The following PDCD11 variants were observed in gnomAD, a reference collection of about 807,000 sequenced individuals.
PDCD11 encodes the protein programmed cell death 11.
In PDCD11, 97 loss-of-function variants were observed where a neutral mutation model predicts 198.9. That is an observed-to-expected ratio of 0.49 (90% CI 0.41 to 0.58). The LOEUF (loss-of-function observed/expected upper bound fraction) is 0.58, where lower values mean the gene tolerates loss of function less well. Among genes scored for constraint, PDCD11 ranks in the 20% least tolerant of loss-of-function variants. PDCD11 has a pLI of 0.00. For synonymous variants in PDCD11, 893 were observed against 918.0 expected (o/e 0.97, Z 0.49); for missense variants, 2,102 against 2,312.7 (o/e 0.91, Z 1.87).
chr10:103,412,649 G>A (rs527248010), intron 8 of PDCD11, among the ~76,000 whole-genome samples: 1 of 152,114 alleles, frequency 6.6e-6, no homozygotes, highest in Non-Finnish European at 1.5e-5. Context: ...ATTAAAACTA[G>A]AGATGAGGTT....
chr10:103,416,645 T>C lies in PDCD11; in HGVS notation c.1673T>C (p.Ile558Thr). 1 of 1,614,218 alleles carries C rather than the reference T, an allele frequency of 6.2e-7. No homozygotes were observed. The highest frequency in any genetic ancestry group is 8.5e-7 in the Non-Finnish European group (1 of 1,180,040). ...FIIRVKDYGC[I>T]VKFYNNVQGL... The stretch of plus-strand genomic sequence containing the variant: ...ATCAGGGTCAAGGACTATGGCTGCA[T>C]TGTGAAGTTCTACAACAATGTGCAG... Residue 558 changes from isoleucine to threonine, a missense_variant, in exon 13 of 36, where the codon ATT (isoleucine) becomes ACT (threonine). Physicochemically the swap from Ile to Thr is moderately conservative, Grantham distance 89. Coordinates refer to ENST00000369797, the MANE Select transcript of PDCD11 (RefSeq NM_014976.2).
intron 5 of PDCD11, 30 bp downstream of exon 5, chr10:103,405,213 G>T (rs779869328): frequency 3.0e-5 from 48 of 1,609,082 alleles, no homozygotes; most frequent in Non-Finnish European, 3.9e-5. Context: ...GAGGAAGAGT[G>T]GCAATGTGCC....
chr10:103,443,065 T>TA, intron 32 of PDCD11, 100 bp from the exon 33 acceptor site: 1 of 1,051,516 alleles, frequency 9.5e-7, no homozygotes, highest in Non-Finnish European at 1.4e-6. Context: ...AGGACACAGA[T>TA]AGAGGCTGGG....
At chr10:103,409,248 C>G (rs1374517852) in intron 7 of PDCD11, among the ~76,000 whole-genome samples, 1 of 151,998 alleles carries the variant, frequency 6.6e-6, no homozygotes, top group East Asian at 1.9e-4. Flanking sequence ...TTACTTTTCG[C>G]TTTTTGGTGA....
At position 103,423,008 on chromosome 10, in the gene PDCD11, C is replaced by G. The variant is rs543936585; in HGVS notation, c.2518C>G (p.Leu840Val). 26 of 1,574,658 alleles carry G rather than the reference C, an allele frequency of 1.7e-5. No homozygotes were observed. The African/African-American group carries it at 2.7e-4, about 17-fold the overall frequency. Residue 840 changes from leucine to valine, a missense_variant, in exon 18 of 36, where the codon CTG becomes GTG. Leu to Val is a conservative substitution (Grantham distance 32). Transcript: ENST00000369797. ...SNRDSVLIQT[L>V]AEMTPGMFLD... is the part of the protein sequence containing the mutation. The stretch of plus-strand genomic sequence containing the variant: ...GGCAGACTCTGTGTTGATCCAGACG[C>G]TGGCCGAGATGACCCCAGGAATGTT...
chr10:103,410,247 A>G lies in PDCD11; in HGVS notation c.978+441A>G, dbSNP rs899861620. On this transcript the variant is annotated intron_variant, in intron 8 of 35. Transcript: ENST00000369797. ...GAGACTCCATCTCAAAAAAAAAAAAAAAAGTGTTATGGAAGGAAAGTAAGA... is the reference window on the plus strand; with the variant it reads ...GAGACTCCATCTCAAAAAAAAAAAAGAAAGTGTTATGGAAGGAAAGTAAGA... Among the ~76,000 whole-genome samples the G allele has an allele frequency of 7.9e-5, 12 of 152,226 alleles. No individual in the cohort carries two copies. In the South Asian group the frequency reaches 8.3e-4, roughly 11 times the overall value.
At chr10:103,426,819 T>G in intron 20 of PDCD11, among the ~76,000 whole-genome samples, 1 of 149,234 alleles carries the variant, frequency 6.7e-6, no homozygotes, top group African/African-American at 2.5e-5. Context: ...AGGCTGGGTG[T>G]AGTGGCTGAA....
At position 103,444,654 on chromosome 10, in the gene PDCD11, A is replaced by G. The variant is rs1410082977; in HGVS notation, c.5416A>G (p.Ile1806Val). The part of the protein sequence containing the change: ...DVWSVYIDMT[I>V]KHGSQKDVRD... ...CTGGTCGGTCTATATCGACATGACC[A>G]TCAAGCACGGCAGCCAGAAGGACGT... Residue 1806 changes from isoleucine to valine, a missense_variant, in exon 35 of 36, where the codon ATC becomes GTC. Ile to Val is a conservative substitution (Grantham distance 29). Coordinates refer to ENST00000369797, the MANE Select transcript of PDCD11 (RefSeq NM_014976.2). 1 of 1,614,088 alleles carries G rather than the reference A, an allele frequency of 6.2e-7. No homozygotes were observed. The highest frequency in any genetic ancestry group is 8.5e-7 in the Non-Finnish European group (1 of 1,180,034).
intron 32 of PDCD11, 79 bp from the exon 33 acceptor site, chr10:103,443,086 G>T: frequency 7.7e-7 from 1 of 1,297,346 alleles, no homozygotes; most frequent in South Asian, 1.5e-5. Flanking sequence ...AGGGGGAGGT[G>T]GTTCCTGAGT....
chr10:103,415,020 A>T lies in PDCD11; in HGVS notation c.1387A>T (p.Ile463Leu). 1 of 1,614,158 alleles carries T rather than the reference A, an allele frequency of 6.2e-7. No individual in the cohort carries two copies. The highest frequency in any genetic ancestry group is 8.5e-7 in the Non-Finnish European group (1 of 1,180,034). ...GATTCTCTAGGGCACAGTGCTAACC[A>T]TAAAGTCATATGGGATGCTGGTGAA... ...GAVVKGTVLT[I>L]KSYGMLVKVG... is the part of the protein sequence containing the mutation. Residue 463 changes from isoleucine (I) to leucine (L), a missense_variant, in exon 12 of 36, where the codon ATA (isoleucine) becomes TTA (leucine). Transcript: ENST00000369797.
chr10:103,406,201 T>C, intron 6 of PDCD11, 93 bp downstream of exon 6: 4 of 1,450,798 alleles, frequency 2.8e-6, no homozygotes, highest in Non-Finnish European at 2.9e-6. Context: ...CATGACAGAA[T>C]GGTGACCCTG....
intron 18 of PDCD11, 114 bp from the exon 19 acceptor site, chr10:103,423,429 A>T: frequency 1.3e-6 from 1 of 794,422 alleles, no homozygotes; most frequent in Non-Finnish European, 2.1e-6. Context: ...TGGACCCAGG[A>T]CATGTGTCCT....
chr10:103,432,252 TC>T lies in PDCD11; in HGVS notation c.3474+19del. ...TAAAGAAAGTAAGTAGTTTTGCCAC[TC>T]GGCAATGAGATGTCATTCTTCTTTC... is the stretch of plus-strand genomic sequence containing the variant. On this transcript the variant is annotated intron_variant, in intron 22 of 35. Coordinates refer to ENST00000369797, the MANE Select transcript of PDCD11 (RefSeq NM_014976.2). 6.7e-7 allele frequency: 1 copy of T among 1,498,592 alleles called. No individual in the cohort carries two copies. Among genetic ancestry groups the T allele is most frequent in the African/African-American group, 1.4e-5 (1 of 72,786 alleles). The allele number at this position is 1,498,592 out of a possible 1,614,324, so 92.8% of individuals were successfully genotyped here.
chr10:103,400,568 G>C (rs1199030644), intron 3 of PDCD11, 40 bp downstream of exon 3: 1 of 1,581,384 alleles, frequency 6.3e-7, no homozygotes, highest in Non-Finnish European at 8.6e-7. Flanking sequence ...ATCGACCTTG[G>C]TTGCTTAAGT....
rs759605468 is a variant in PDCD11, at chr10:103,423,671, C to G, written c.2763+13C>G. The stretch of plus-strand genomic sequence containing the variant: ...AAAAGCTAGAAAGGTAAGCTTGCTC[C>G]TGACTTCCATTTCCATGGTTTCACA... On this transcript the variant is annotated intron_variant, in intron 19 of 35. Transcript: ENST00000369797. 1 of 1,538,754 alleles carries G rather than the reference C, an allele frequency of 6.5e-7. No individual in the cohort carries two copies. The highest frequency in any genetic ancestry group is 1.4e-5 in the African/African-American group (1 of 73,610).
At position 103,414,067 on chromosome 10, in the gene PDCD11, A is replaced by G. The variant is rs776153139; in HGVS notation, c.1287A>G (p.Glu429=). The stretch of plus-strand genomic sequence containing the variant: ...TTATTGACTACAGCCAAATGGATGA[A>G]CTGGCCTTGCTCTCTCTACGAACGT... ...CRIIDYSQMD[E]LALLSLRTSI... Residue 429 remains glutamate (E), a synonymous_variant, in exon 10 of 36, where the codon GAA becomes GAG. Transcript: ENST00000369797. 5 of 1,613,254 alleles carry G rather than the reference A, an allele frequency of 3.1e-6. No individual in the cohort carries two copies. In the Admixed American group the frequency reaches 8.3e-5, roughly 27 times the overall value.
chr10:103,406,464 C>T (rs2030454940), intron 6 of PDCD11, 145 bp from the exon 7 acceptor site: 1 of 667,500 alleles, frequency 1.5e-6, no homozygotes. Flanking sequence ...TTGTAGTTGG[C>T]CCCTTAAAGA....
At chr10:103,431,056 T>C (rs530646714) in intron 21 of PDCD11, among the ~76,000 whole-genome samples, 126 of 152,194 alleles carry the variant, frequency 8.3e-4, no homozygotes, top group African/African-American at 2.7e-3. Flanking sequence ...CGCCTTGGCC[T>C]CCCAAAGTGC....
chr10:103,423,674 A>G lies in PDCD11; in HGVS notation c.2763+16A>G. On this transcript the variant is annotated intron_variant, in intron 19 of 35. Transcript: ENST00000369797. ...AGCTAGAAAGGTAAGCTTGCTCCTG[A>G]CTTCCATTTCCATGGTTTCACATGA... 1 of 1,525,428 alleles carries G rather than the reference A, an allele frequency of 6.6e-7. No homozygotes were observed. The highest frequency in any genetic ancestry group is 9.1e-7 in the Non-Finnish European group (1 of 1,099,118). The allele number at this position is 1,525,428 out of a possible 1,614,324, so 94.5% of individuals were successfully genotyped here.
Sources: gnomAD v4.1 joint callset for allele counts (sites outside exome capture counted in the v4.1 genomes callset) on GRCh38, gnomAD v4.1.1 for gene constraint, MANE v1.5 for transcripts, NCBI Gene and HGNC (gene_info 2026-07-23, HGNC 2026-07-21) for gene names.